LRRC7: variants seen among roughly 807,000 people sequenced by gnomAD.
LRRC7 encodes the protein leucine rich repeat containing 7, also known as leucine-rich repeat-containing protein 7.
In LRRC7, 23 loss-of-function variants were observed where a neutral mutation model predicts 175.7. That is an observed-to-expected ratio of 0.13 (90% CI 0.09 to 0.19). LRRC7 has a LOEUF of 0.19. Ranked by LOEUF, LRRC7 falls within the 10% of genes least tolerant of loss-of-function variation. The pLI is 1.00. For synonymous variants in LRRC7, 685 were observed against 680.9 expected (o/e 1.01, Z -0.09); for missense variants, 1,354 against 1,904.7 (o/e 0.71, Z 5.38).
intron 3 of LRRC7, among the ~76,000 whole-genome samples, chr1:69,769,459 CTCATATGACAGG>C (rs1671982333): frequency 2.0e-5 from 3 of 152,120 alleles, no homozygotes; most frequent in Non-Finnish European, 4.4e-5. Flanking sequence ...CACACCTGAT[CTCATATGACAGG>C]TCATAGTCAA....
At chr1:69,930,471 A>G (rs1570703464) in intron 7 of LRRC7, among the ~76,000 whole-genome samples, 2 of 152,326 alleles carry the variant, frequency 1.3e-5, no homozygotes, top group Non-Finnish European at 1.5e-5. Flanking sequence ...TAAGGACAGA[A>G]TTCTGATTAG....
chr1:69,951,095 C>CA lies in LRRC7; in HGVS notation c.711+19536dup, dbSNP rs111949472. Among the ~76,000 whole-genome samples the CA allele has an allele frequency of 5.3e-3, 678 of 128,784 alleles. 4 individuals are homozygous for CA. Among genetic ancestry groups the CA allele is most frequent in the Non-Finnish European group, 7.2e-3 (426 of 59,174 alleles). 84.5% of individuals were successfully genotyped at this position (128,784 alleles called of 152,430 possible). A position where few individuals can be genotyped will look rare whatever the true frequency, so the allele number is the denominator to read the frequency against. Reference sequence around the variant, plus strand: ...TCTATAAGGAACTTAAACAAATTTACAAAAAAAAAAACCATTAAAAAGAGA... The same window carrying CA: ...TCTATAAGGAACTTAAACAAATTTACAAAAAAAAAAAACCATTAAAAAGAGA... On this transcript the variant is annotated intron_variant, in intron 8 of 26. Transcript: ENST00000651989.
chr1:70,018,062 G>A (rs1391617345), intron 14 of LRRC7, among the ~76,000 whole-genome samples: 1 of 151,886 alleles, frequency 6.6e-6, no homozygotes, highest in Non-Finnish European at 1.5e-5. Flanking sequence ...CATTAAATAA[G>A]CAGATTTTTA....
intron 2 of LRRC7, among the ~76,000 whole-genome samples, chr1:69,753,524 T>C (rs1670076753): frequency 6.6e-6 from 1 of 152,074 alleles, no homozygotes; most frequent in Admixed American, 6.6e-5. Flanking sequence ...TAAATTAGTT[T>C]ATCATCAAAA....
At chr1:69,778,942 A>T (rs1305658929) in intron 3 of LRRC7, among the ~76,000 whole-genome samples, 1 of 141,904 alleles carries the variant, frequency 7.0e-6, no homozygotes. Context: ...ATATATACAC[A>T]TATATACACA....
chr1:70,071,452 A>G (rs1662380561), intron 23 of LRRC7, among the ~76,000 whole-genome samples: 1 of 152,106 alleles, frequency 6.6e-6, no homozygotes, highest in African/African-American at 2.4e-5. Flanking sequence ...CAGGTGTCCC[A>G]CTGGCCTAAT....
intron 4 of LRRC7, among the ~76,000 whole-genome samples, chr1:69,819,044 T>C (rs2101191347): frequency 6.6e-6 from 1 of 152,188 alleles, no homozygotes; most frequent in Non-Finnish European, 1.5e-5. Flanking sequence ...CAAATTCTAG[T>C]TTCATTGATC....
chr1:69,619,472 A>G (rs1269651889), intron 1 of LRRC7, among the ~76,000 whole-genome samples: 1 of 152,200 alleles, frequency 6.6e-6, no homozygotes. Flanking sequence ...CATGTAAAGA[A>G]CTGCTGCACA....
intron 24 of LRRC7, among the ~76,000 whole-genome samples, chr1:70,087,521 T>C (rs1241637750): frequency 6.6e-6 from 1 of 152,150 alleles, no homozygotes; most frequent in African/African-American, 2.4e-5. Context: ...AGAGATCAAC[T>C]AGCACACTGA....
At chr1:70,023,523 A>G in intron 17 of LRRC7, 149 bp downstream of exon 17, 1 of 860,648 alleles carries the variant, frequency 1.2e-6, no homozygotes, top group South Asian at 4.5e-5. Context: ...TCAATTTAAC[A>G]TTTTGTTTAT....
At chr1:69,803,648 C>T (rs1021449614) in intron 4 of LRRC7, among the ~76,000 whole-genome samples, 6 of 151,374 alleles carry the variant, frequency 4.0e-5, no homozygotes, top group South Asian at 2.1e-4. Flanking sequence ...GATTCTTTTG[C>T]GTCTTTATTA....
rs1221645618 is a variant in LRRC7, at chr1:70,122,305, C to T, written c.*418C>T. On this transcript the variant is annotated 3_prime_UTR_variant, in exon 27 of 27. Transcript: ENST00000651989. Reference sequence around the variant, plus strand: ...TACAAATATAAAGAATTGTAATTCCCATAAAATATTTCTAGCACAAGGTAT... The same window carrying T: ...TACAAATATAAAGAATTGTAATTCCTATAAAATATTTCTAGCACAAGGTAT... 6.5e-6 allele frequency: 1 copy of T among 153,034 alleles called. No individual in the cohort carries two copies. The highest frequency in any genetic ancestry group is 1.5e-5 in the Non-Finnish European group (1 of 68,532). The allele number at this position is 153,034 out of a possible 1,614,324, so 9.5% of individuals were successfully genotyped here. A position where few individuals can be genotyped will look rare whatever the true frequency, so the allele number is the denominator to read the frequency against.
At chr1:69,652,252 T>TG (rs1655950681) in intron 1 of LRRC7, among the ~76,000 whole-genome samples, 1 of 63,404 alleles carries the variant, frequency 1.6e-5, no homozygotes, top group Non-Finnish European at 3.1e-5. Context: ...TAGAAAACCC[T>TG]ATTCACAAAC....
chr1:70,080,279 C>T (rs1276576116), intron 24 of LRRC7, among the ~76,000 whole-genome samples: 1 of 152,120 alleles, frequency 6.6e-6, no homozygotes, highest in African/African-American at 2.4e-5. Flanking sequence ...GTATTTTTAA[C>T]CTGATTAAAA....
intron 24 of LRRC7, 100 bp from the exon 25 acceptor site, chr1:70,089,627 A>G: frequency 2.5e-6 from 2 of 791,260 alleles, no homozygotes; most frequent in Non-Finnish European, 4.0e-6. Flanking sequence ...AACCCTAAGA[A>G]ACCAAGTGAA....
Position 70,132,612 on chromosome 1 carries a change from CA to C in LRRC7, c.*10726del, listed in dbSNP as rs1666716029. Among the ~76,000 whole-genome samples the C allele has an allele frequency of 2.0e-5, 3 of 151,870 alleles. No individual in the cohort carries two copies. The highest frequency in any genetic ancestry group is 2.0e-4 in the Admixed American group (3 of 15,256). ...TCAGCCTCCCGAGTAGCTGGGATTA[CA>C]GGCGCCTGCCACTGCACCCGGCTAA... On this transcript the variant is annotated 3_prime_UTR_variant, in exon 27 of 27. Transcript: ENST00000651989.
At chr1:69,612,842 G>A (rs1000142273) in intron 1 of LRRC7, among the ~76,000 whole-genome samples, 8 of 151,874 alleles carry the variant, frequency 5.3e-5, no homozygotes, top group Non-Finnish European at 7.4e-5. Flanking sequence ...CTGAAGCTTA[G>A]GGATTCAAAT....
At chr1:69,798,756 A>G (rs556501247) in intron 4 of LRRC7, among the ~76,000 whole-genome samples, 6 of 152,028 alleles carry the variant, frequency 3.9e-5, no homozygotes, top group Non-Finnish European at 8.8e-5. Flanking sequence ...GTGCTACCAC[A>G]TTGTATATAT....
At chr1:69,638,115 T>C (rs1570099944) in intron 1 of LRRC7, among the ~76,000 whole-genome samples, 2 of 152,012 alleles carry the variant, frequency 1.3e-5, no homozygotes, top group East Asian at 3.9e-4. Context: ...TAGCCAAGTT[T>C]ATTTTGTTTG....
Sources: gnomAD v4.1 joint callset for allele counts (sites outside exome capture counted in the v4.1 genomes callset) on GRCh38, gnomAD v4.1.1 for gene constraint, MANE v1.5 for transcripts, NCBI Gene and HGNC (gene_info 2026-07-23, HGNC 2026-07-21) for gene names.